Variants in PHACTR1 observed in about 807,000 individuals in gnomAD.
The protein encoded by PHACTR1 is phosphatase and actin regulator 1.
PHACTR1 carries 16 observed loss-of-function variants against 69.2 expected under a neutral mutation model. The ratio of observed to expected loss-of-function variants is 0.23; its 90% CI spans 0.16 to 0.35. The LOEUF is 0.35. Among genes scored for constraint, PHACTR1 ranks in the 10% least tolerant of loss-of-function variants. The pLI, the probability that PHACTR1 is intolerant of heterozygous loss-of-function variation, is 1.00. For synonymous variants in PHACTR1, 312 were observed against 284.5 expected (o/e 1.10, Z -0.97); for missense variants, 510 against 734.7 (o/e 0.69, Z 3.54).
At chr6:13,077,174 CAAAA>C (rs199687356) in intron 5 of PHACTR1, among the ~76,000 whole-genome samples, 4 of 74,712 alleles carry the variant, frequency 5.4e-5, no homozygotes, top group African/African-American at 6.9e-5. Context: ...ATGATGCAAG[CAAAA>C]AAAAAAAAAA....
intron 3 of PHACTR1, among the ~76,000 whole-genome samples, chr6:12,729,931 AT>A (rs1266902060): frequency 6.6e-6 from 1 of 152,194 alleles, no homozygotes; most frequent in African/African-American, 2.4e-5. Context: ...CACATGTTGT[AT>A]TTGGGCCTGC....
chr6:12,792,187 G>A (rs529903747), intron 4 of PHACTR1, among the ~76,000 whole-genome samples: 2 of 152,094 alleles, frequency 1.3e-5, no homozygotes, highest in South Asian at 2.1e-4. Flanking sequence ...AAAATGGGCC[G>A]GGCGCGGTGG....
intron 7 of PHACTR1, among the ~76,000 whole-genome samples, chr6:13,196,227 A>G (rs1473514734): frequency 6.6e-6 from 1 of 152,100 alleles, no homozygotes; most frequent in Non-Finnish European, 1.5e-5. Flanking sequence ...ATGCAAAACC[A>G]TTTATTCAGT....
At chr6:12,885,331 G>A (rs1218228915) in intron 4 of PHACTR1, among the ~76,000 whole-genome samples, 1 of 152,182 alleles carries the variant, frequency 6.6e-6, no homozygotes, top group Non-Finnish European at 1.5e-5. Flanking sequence ...TCCCTTGCAG[G>A]CTGTCAGAAT....
chr6:12,786,591 C>T (rs192826114), intron 4 of PHACTR1, among the ~76,000 whole-genome samples: 10 of 152,158 alleles, frequency 6.6e-5, no homozygotes, highest in Non-Finnish European at 1.2e-4. Context: ...ACAGGTTCTT[C>T]CCACACTCTT....
intron 4 of PHACTR1, among the ~76,000 whole-genome samples, chr6:12,787,955 G>A (rs568161637): frequency 3.9e-4 from 59 of 152,186 alleles, no homozygotes; most frequent in South Asian, 2.1e-4. Flanking sequence ...TCAGGAGTAC[G>A]AGACCAGCCT....
intron 7 of PHACTR1, among the ~76,000 whole-genome samples, chr6:13,200,606 T>G (rs1323363376): frequency 2.0e-5 from 3 of 152,150 alleles, no homozygotes; most frequent in African/African-American, 7.2e-5. Flanking sequence ...AGGACAAAAG[T>G]AAGAGGCCAA....
chr6:13,200,187 T>C (rs1765015304), intron 7 of PHACTR1, among the ~76,000 whole-genome samples: 1 of 151,940 alleles, frequency 6.6e-6, no homozygotes, highest in Non-Finnish European at 1.5e-5. Context: ...GATTCTCAGC[T>C]CCTTGTATAT....
intron 7 of PHACTR1, among the ~76,000 whole-genome samples, chr6:13,198,815 G>A (rs937475370): frequency 6.6e-6 from 1 of 152,166 alleles, no homozygotes; most frequent in Non-Finnish European, 1.5e-5. Context: ...TAAGCAATTT[G>A]CTGAAGCCAA....
chr6:12,754,209 G>A (rs534522979), intron 4 of PHACTR1, among the ~76,000 whole-genome samples: 12 of 146,432 alleles, frequency 8.2e-5, no homozygotes, highest in African/African-American at 2.5e-4. Flanking sequence ...TCCTGACCTC[G>A]TGATCCACCT....
intron 5 of PHACTR1, among the ~76,000 whole-genome samples, chr6:13,098,302 T>C (rs1814607443): frequency 6.6e-6 from 1 of 152,308 alleles, no homozygotes; most frequent in East Asian, 1.9e-4. Context: ...TTTAAGGCCC[T>C]CTTCTCTTGG....
chr6:12,741,109 TTC>T (rs1278413592), intron 3 of PHACTR1, among the ~76,000 whole-genome samples: 1 of 152,036 alleles, frequency 6.6e-6, no homozygotes, highest in Non-Finnish European at 1.5e-5. Context: ...TTGAAATATT[TTC>T]TCTTATCTAA....
chr6:13,040,663 T>C (rs1803995886), intron 4 of PHACTR1, among the ~76,000 whole-genome samples: 1 of 152,122 alleles, frequency 6.6e-6, no homozygotes, highest in African/African-American at 2.4e-5. Flanking sequence ...TCGTGTGAGA[T>C]TCAAGTAAAA....
intron 8 of PHACTR1, among the ~76,000 whole-genome samples, chr6:13,220,808 G>A (rs1220554565): frequency 6.6e-6 from 1 of 152,196 alleles, no homozygotes; most frequent in Non-Finnish European, 1.5e-5. Flanking sequence ...GTAATGTGGT[G>A]TATTCTGATT....
intron 4 of PHACTR1, among the ~76,000 whole-genome samples, chr6:12,871,719 G>A (rs1329355608): frequency 6.6e-6 from 1 of 152,132 alleles, no homozygotes. Context: ...GTGTCAGCCC[G>A]ATCCATCCAT....
chr6:12,743,211 G>C (rs1410311803), intron 3 of PHACTR1, among the ~76,000 whole-genome samples: 2 of 145,682 alleles, frequency 1.4e-5, no homozygotes, highest in Non-Finnish European at 3.0e-5. Context: ...AAAAACAAAC[G>C]TAAAAACAAC....
intron 7 of PHACTR1, chr6:13,184,697 C>T (rs955452187): frequency 2.1e-5 from 19 of 921,598 alleles, no homozygotes; most frequent in Middle Eastern, 2.7e-4. Context: ...ATCGGTGCTC[C>T]GCTGTGTTGC....
chr6:12,795,893 C>T (rs1244802943), intron 4 of PHACTR1, among the ~76,000 whole-genome samples: 1 of 151,920 alleles, frequency 6.6e-6, no homozygotes, highest in Non-Finnish European at 1.5e-5. Context: ...AGAAAAGAAT[C>T]AATTCCTTTT....
At chr6:12,885,523 T>G (rs1783553331) in intron 4 of PHACTR1, among the ~76,000 whole-genome samples, 1 of 152,238 alleles carries the variant, frequency 6.6e-6, no homozygotes, top group South Asian at 2.1e-4. Flanking sequence ...AGTTGGAAAT[T>G]GCAATCTGGC....
Sources: allele counts gnomAD v4.1 joint callset (sites outside exome capture counted in the v4.1 genomes callset), GRCh38; gene constraint gnomAD v4.1.1; transcripts MANE v1.5; gene names NCBI Gene and HGNC (gene_info 2026-07-23, HGNC 2026-07-21).